Variants in CTBP2 observed in about 807,000 individuals in gnomAD.
The protein encoded by CTBP2 is C-terminal binding protein 2.
CTBP2 carries 30 observed loss-of-function variants against 80.3 expected under a neutral mutation model. The ratio of observed to expected loss-of-function variants is 0.37; its 90% CI spans 0.28 to 0.51. CTBP2 has a LOEUF of 0.51. CTBP2 is among the 20% of genes least tolerant of loss of function. The pLI, the probability that CTBP2 is intolerant of heterozygous loss-of-function variation, is 0.93. For missense variants in CTBP2, 1,212 were observed against 1,375.3 expected, an observed-to-expected ratio of 0.88 and a Z score of 1.88; for synonymous variants, 594 against 587.4, an observed-to-expected ratio of 1.01 and a Z score of -0.16.
intron 1 of CTBP2, among the ~76,000 whole-genome samples, chr10:125,114,450 G>A (rs1852851654): frequency 6.6e-6 from 1 of 152,108 alleles, no homozygotes; most frequent in East Asian, 1.9e-4. Flanking sequence ...ACTGTGGTCA[G>A]CTAGTTCCTG....
intron 2 of CTBP2, among the ~76,000 whole-genome samples, chr10:125,053,116 C>A (rs1381788906): frequency 6.6e-6 from 1 of 152,202 alleles, no homozygotes; most frequent in African/African-American, 2.4e-5. Flanking sequence ...CAAAACCCCA[C>A]ACAACTTCCA....
intron 1 of CTBP2, among the ~76,000 whole-genome samples, chr10:125,138,884 G>A (rs1158149445): frequency 6.6e-6 from 1 of 152,160 alleles, no homozygotes; most frequent in Non-Finnish European, 1.5e-5. Flanking sequence ...CAAAGGAACC[G>A]GCTTCTGATG....
Position 125,092,176 on chromosome 10 carries a change from CTTTTT to C in CTBP2, c.-102+18809_-102+18813del, listed in dbSNP as rs71029238. 5.5e-3 allele frequency among the ~76,000 whole-genome samples: 476 copies of C among 87,136 alleles called. 3 individuals carry two copies. The highest frequency in any genetic ancestry group is 7.3e-3 in the Admixed American group (50 of 6,874). The allele number at this position is 87,136 out of a possible 152,430, so 57.2% of individuals were successfully genotyped here. Reference sequence around the variant, plus strand: ...AGCATGGTTTCCTTGTCTGAAGATTCTTTTTTTTTTTTTTTTTTTTTTTGAGATGA... The same window carrying C: ...AGCATGGTTTCCTTGTCTGAAGATTCTTTTTTTTTTTTTTTTTTGAGATGA... On this transcript the variant is annotated intron_variant, in intron 2 of 10. Coordinates refer to the CTBP2 transcript ENST00000337195.
At position 125,046,393 on chromosome 10, in the gene CTBP2, C is replaced by A. The variant is rs190335266; in HGVS notation, c.-101-7238G>T. On this transcript the variant is annotated intron_variant, in intron 2 of 10. Transcript: ENST00000337195. ...CTCTACTAAAAATACAAAAAATTAG[C>A]CAGGCATGGTGGTGCACGCCTGTAA... Among the ~76,000 whole-genome samples the A allele has an allele frequency of 1.2e-4, 18 of 152,032 alleles. No individual in the cohort carries two copies. The East Asian group carries it at 3.5e-3, about 29-fold the overall frequency.
intron 1 of CTBP2, among the ~76,000 whole-genome samples, chr10:125,149,462 G>A (rs181132171): frequency 6.6e-6 from 1 of 152,204 alleles, no homozygotes; most frequent in East Asian, 1.9e-4. Flanking sequence ...CCAGGACACC[G>A]GGACTCACAT....
intron 2 of CTBP2, among the ~76,000 whole-genome samples, chr10:125,107,764 G>A (rs1201362290): frequency 6.6e-6 from 1 of 152,184 alleles, no homozygotes; most frequent in Non-Finnish European, 1.5e-5. Context: ...GGCAGGCCAA[G>A]CTTCTACATC....
At chr10:125,093,513 T>C (rs182187757) in intron 2 of CTBP2, among the ~76,000 whole-genome samples, 225 of 152,322 alleles carry the variant, frequency 1.5e-3, no homozygotes, top group African/African-American at 5.2e-3. Context: ...TTTGTTTAAT[T>C]CAAACTCAAA....
chr10:125,002,872 C>T (rs770815279), intron 3 of CTBP2, 88 bp downstream of exon 5: 28 of 1,528,822 alleles, frequency 1.8e-5, no homozygotes, highest in Non-Finnish European at 2.5e-5. Flanking sequence ...CTCCGTGGTC[C>T]CAGTTCCAGC....
intron 1 of CTBP2, among the ~76,000 whole-genome samples, chr10:125,139,248 G>A (rs1020784505): frequency 2.0e-5 from 3 of 151,684 alleles, no homozygotes; most frequent in Non-Finnish European, 4.4e-5. Flanking sequence ...GCGCACACCC[G>A]TAATCCCAGC....
intron 2 of CTBP2, among the ~76,000 whole-genome samples, chr10:125,048,236 G>A (rs553760035): frequency 6.6e-6 from 1 of 152,248 alleles, no homozygotes; most frequent in East Asian, 1.9e-4. Context: ...TCCAGCGATG[G>A]GGCCCTTTGG....
chr10:124,989,724 T>C (rs1426350971), intron 8 of CTBP2, 26 bp from the exon 11 acceptor site: 4 of 1,533,650 alleles, frequency 2.6e-6, no homozygotes, highest in Non-Finnish European at 3.5e-6. Context: ...AAATAGGGCC[T>C]TGTAAGTTCA....
intron 4 of CTBP2, among the ~76,000 whole-genome samples, chr10:124,995,876 C>G (rs1445242294): frequency 6.6e-6 from 1 of 151,996 alleles, no homozygotes; most frequent in African/African-American, 2.4e-5. Context: ...TCACAGGACC[C>G]CCGCCTGCCT....
At chr10:125,102,434 T>C (rs1850773250) in intron 2 of CTBP2, among the ~76,000 whole-genome samples, 1 of 152,256 alleles carries the variant, frequency 6.6e-6, no homozygotes, top group African/African-American at 2.4e-5. Context: ...TGCATCAATC[T>C]GCTCTGTTTA....
At chr10:124,997,120 C>T (rs368434753) in intron 4 of CTBP2, 5 of 152,228 alleles carry the variant, frequency 3.3e-5, no homozygotes, top group African/African-American at 7.2e-5. Context: ...GGGAGTCTCC[C>T]GGAGGCCAGA....
chr10:125,111,452 CAACT>C (rs910296141), intron 1 of CTBP2, among the ~76,000 whole-genome samples: 2 of 152,170 alleles, frequency 1.3e-5, no homozygotes, highest in African/African-American at 4.8e-5. Context: ...AAAGTATTAC[CAACT>C]GTTTTGAGAA....
At chr10:125,052,210 C>T (rs1304689427) in intron 2 of CTBP2, among the ~76,000 whole-genome samples, 1 of 152,222 alleles carries the variant, frequency 6.6e-6, no homozygotes, top group Non-Finnish European at 1.5e-5. Flanking sequence ...GTGCAGAATC[C>T]TGGCTTTATT....
chr10:125,001,104 CCT>C (rs1954432131), intron 3 of CTBP2: 2 of 152,288 alleles, frequency 1.3e-5, no homozygotes, highest in African/African-American at 4.8e-5. Context: ...TCCCAGGCCC[CCT>C]GTCATTGAGG....
Position 124,986,667 on chromosome 10 carries a change from T to A in CTBP2, c.*2851A>T, listed in dbSNP as rs560243606. 6.6e-6 allele frequency: 1 copy of A among 152,218 alleles called. No homozygotes were observed. The highest frequency in any genetic ancestry group is 1.5e-5 in the Non-Finnish European group (1 of 68,040). The allele number at this position is 152,218 out of a possible 1,614,324, so 9.4% of individuals were successfully genotyped here. ...TGTTGTTAAAAATTGGCTGTTTGCT[T>A]TCATTTTGGCCAATAAGTAATCAAG... On this transcript the variant is annotated 3_prime_UTR_variant, in exon 9 of 9. Coordinates refer to ENST00000309035, the MANE Select transcript of CTBP2 (RefSeq NM_022802.3).
chr10:124,998,725 C>T lies in CTBP2; in HGVS notation c.1979-555G>A, dbSNP rs139243972. On this transcript the variant is annotated intron_variant, in intron 3 of 8. Coordinates refer to ENST00000309035, the MANE Select transcript of CTBP2 (RefSeq NM_022802.3). ...CAAGGGCTGGCCCCGGGAACGGAACCGATGGCCGAAGCGTGTGCACAATCG... is the reference window on the plus strand; with the variant it reads ...CAAGGGCTGGCCCCGGGAACGGAACTGATGGCCGAAGCGTGTGCACAATCG... 513 of 171,172 alleles carry T rather than the reference C, an allele frequency of 3.0e-3. 2 individuals carry two copies. Among genetic ancestry groups the T allele is most frequent in the African/African-American group, 0.011 (479 of 42,066 alleles). 10.6% of individuals were successfully genotyped at this position (171,172 alleles called of 1,614,324 possible).
Sources: allele counts gnomAD v4.1 joint callset (sites outside exome capture counted in the v4.1 genomes callset), GRCh38; gene constraint gnomAD v4.1.1; transcripts MANE v1.5; gene names NCBI Gene and HGNC (gene_info 2026-07-23, HGNC 2026-07-21).